Variants in CYBRD1 observed in about 807,000 individuals in gnomAD.
CYBRD1 encodes the protein cytochrome b reductase 1, also known as plasma membrane ascorbate-dependent reductase CYBRD1.
CYBRD1 carries 14 observed loss-of-function variants against 21.9 expected under a neutral mutation model. That is an observed-to-expected ratio of 0.64 (90% CI 0.42 to 1.00). CYBRD1 has a LOEUF of 1.00. Among genes scored for constraint, CYBRD1 ranks in the 50% least tolerant of loss-of-function variants. The pLI is 0.00. For missense variants in CYBRD1, 328 were observed against 352.5 expected (o/e 0.93, Z 0.56); for synonymous variants, 146 against 136.5 (o/e 1.07, Z -0.48).
chr2:171,546,636 C>T (rs1053717835), intron 2 of CYBRD1, among the ~76,000 whole-genome samples: 1 of 152,174 alleles, frequency 6.6e-6, no homozygotes, highest in African/African-American at 2.4e-5. Context: ...AAGAGACATG[C>T]TCTCTGCCCT....
intron 2 of CYBRD1, among the ~76,000 whole-genome samples, chr2:171,545,829 T>G (rs1697704591): frequency 6.6e-6 from 1 of 152,172 alleles, no homozygotes. Context: ...ATCTTTACTT[T>G]GTGTTGGGAG....
chr2:171,535,750 T>A (rs553941806), intron 1 of CYBRD1, among the ~76,000 whole-genome samples: 6 of 152,066 alleles, frequency 3.9e-5, no homozygotes, highest in Non-Finnish European at 7.4e-5. Flanking sequence ...GCAATCCTCC[T>A]GCCTCAGCCT....
At chr2:171,531,578 G>A (rs1330310191) in intron 1 of CYBRD1, among the ~76,000 whole-genome samples, 1 of 152,004 alleles carries the variant, frequency 6.6e-6, no homozygotes, top group Non-Finnish European at 1.5e-5. Context: ...CAAAGTGCTG[G>A]GATTACAGTT....
chr2:171,546,975 C>T (rs975775875), intron 2 of CYBRD1, among the ~76,000 whole-genome samples: 8 of 152,060 alleles, frequency 5.3e-5, no homozygotes, highest in African/African-American at 1.9e-4. Context: ...AGATGAGAAA[C>T]AATGGTGGCC....
In CYBRD1 at chr2:171,522,535, A is replaced by G. The variant is rs757181239; in HGVS notation, c.-11A>G. On this transcript the variant is annotated 5_prime_UTR_variant, in exon 1 of 4. An upstream start codon of the reference 5' UTR is lost. Coordinates refer to ENST00000321348, the MANE Select transcript of CYBRD1 (RefSeq NM_024843.4). This position sits in a 1 kb window ranked among gnomAD's most constrained non-coding sequence, Gnocchi z 4.3. ...TCTTGTGGCCCCCGCGGTGCGGAGT[A>G]TGGGGCGCTGATGGCCATGGAGGGC... The G allele has an allele frequency of 6.9e-6, 11 of 1,589,656 alleles. No individual in the cohort carries two copies. Among genetic ancestry groups the G allele is most frequent in the Non-Finnish European group, 9.4e-6 (11 of 1,169,324 alleles).
intron 1 of CYBRD1, among the ~76,000 whole-genome samples, chr2:171,526,611 T>G (rs747096340): frequency 6.6e-6 from 1 of 152,232 alleles, no homozygotes; most frequent in South Asian, 2.1e-4. Flanking sequence ...TAGAAGAGGC[T>G]TTGTGCTTCT....
intron 2 of CYBRD1, among the ~76,000 whole-genome samples, chr2:171,546,835 T>G (rs1697723458): frequency 6.6e-6 from 1 of 151,906 alleles, no homozygotes; most frequent in Admixed American, 6.6e-5. Context: ...GAATAGCATG[T>G]GGGGAAGAGT....
intron 1 of CYBRD1, among the ~76,000 whole-genome samples, chr2:171,535,422 G>A (rs1697530366): frequency 6.6e-6 from 1 of 152,196 alleles, no homozygotes; most frequent in Admixed American, 6.5e-5. Context: ...AATGTAAAAG[G>A]TTTTTAAAAA....
intron 1 of CYBRD1, among the ~76,000 whole-genome samples, chr2:171,533,188 G>A (rs1363174495): frequency 6.6e-6 from 1 of 151,634 alleles, no homozygotes; most frequent in Non-Finnish European, 1.5e-5. Flanking sequence ...CCAACATGGT[G>A]ATACTCTATC....
At chr2:171,552,632 G>C (rs1683398832) in intron 2 of CYBRD1, among the ~76,000 whole-genome samples, 1 of 152,186 alleles carries the variant, frequency 6.6e-6, no homozygotes, top group Non-Finnish European at 1.5e-5. Context: ...GAGGATACTT[G>C]ATGGGCAAAC....
At chr2:171,543,161 T>A (rs1367275704) in intron 2 of CYBRD1, among the ~76,000 whole-genome samples, 2 of 152,192 alleles carry the variant, frequency 1.3e-5, no homozygotes, top group Non-Finnish European at 2.9e-5. Context: ...TACCTGTACA[T>A]CAGAAGTCCA....
intron 1 of CYBRD1, among the ~76,000 whole-genome samples, chr2:171,524,621 A>G (rs1404879866): frequency 6.6e-6 from 1 of 152,212 alleles, no homozygotes; most frequent in Non-Finnish European, 1.5e-5. Flanking sequence ...GTAAGAGTAA[A>G]CTGAGGCAGA....
intron 1 of CYBRD1, among the ~76,000 whole-genome samples, chr2:171,529,972 C>T (rs537359699): frequency 6.6e-6 from 1 of 152,152 alleles, no homozygotes; most frequent in East Asian, 1.9e-4. Flanking sequence ...ATGAGGTCAC[C>T]CTGGATTTAG....
At chr2:171,528,516 A>G (rs1406021300) in intron 1 of CYBRD1, among the ~76,000 whole-genome samples, 2 of 151,642 alleles carry the variant, frequency 1.3e-5, no homozygotes, top group Admixed American at 6.6e-5. Flanking sequence ...GTTCTTCCTC[A>G]TCTTCCTGAT....
chr2:171,541,755 TG>T lies in CYBRD1; in HGVS notation c.367del (p.Val123LeufsTer3). 1.2e-6 allele frequency: 2 copies of T among 1,613,924 alleles called. No homozygotes were observed. The highest frequency in any genetic ancestry group is 4.5e-5 in the East Asian group (2 of 44,880). ...AGCCAATATGTACAGTCTGCACAGC[TG>T]GGTTGGACTGATAGCTGTCATATGC... is the stretch of plus-strand genomic sequence containing the variant. ...NIANMYSLHS[W>X]VGLIAVICYL... On this transcript the variant is annotated frameshift_variant, in exon 2 of 4. Coordinates refer to ENST00000321348, the MANE Select transcript of CYBRD1 (RefSeq NM_024843.4). LOFTEE classifies it high-confidence loss of function.
Position 171,554,793 on chromosome 2 carries a change from C to G in CYBRD1, c.827C>G (p.Ala276Gly), listed in dbSNP as rs1683453997. ...SEVAARKRNL[A>G]LDEAGQRSTM is the part of the protein sequence containing the mutation. ...GTAGCAGCAAGGAAAAGAAACTTAG[C>G]TCTGGATGAGGCTGGGCAGAGATCT... The change falls in exon 4 of 4, where the codon GCT (alanine) becomes GGT (glycine). Residue 276 changes from alanine (A) to glycine (G), a missense_variant. Physicochemically the swap from Ala to Gly is moderately conservative, Grantham distance 60. Transcript: ENST00000321348. 1 of 1,613,236 alleles carries G rather than the reference C, an allele frequency of 6.2e-7. No individual in the cohort carries two copies. Among genetic ancestry groups the G allele is most frequent in the African/African-American group, 1.3e-5 (1 of 74,742 alleles).
chr2:171,539,059 A>G (rs1697589643), intron 1 of CYBRD1, among the ~76,000 whole-genome samples: 1 of 152,084 alleles, frequency 6.6e-6, no homozygotes, highest in Admixed American at 6.6e-5. Flanking sequence ...TGGCCTCCCA[A>G]AGTGCTGAAA....
Position 171,544,965 on chromosome 2 carries a change from C to T in CYBRD1, c.402+3172C>T, listed in dbSNP as rs139403463. Among the ~76,000 whole-genome samples, 1,029 of 151,886 alleles carry T rather than the reference C, an allele frequency of 6.8e-3. 4 individuals are homozygous for T. The highest frequency in any genetic ancestry group is 0.011 in the Non-Finnish European group (740 of 67,948). ...ACCAGCCTGGGAAACATGGCAAAAC[C>T]CCGTCTGTACAAAAGATATAAAAAT... is the stretch of plus-strand genomic sequence containing the variant. On this transcript the variant is annotated intron_variant, in intron 2 of 3. Coordinates refer to ENST00000321348, the MANE Select transcript of CYBRD1 (RefSeq NM_024843.4).
chr2:171,528,847 G>A (rs552504227), intron 1 of CYBRD1, among the ~76,000 whole-genome samples: 24 of 152,236 alleles, frequency 1.6e-4, no homozygotes, highest in African/African-American at 4.8e-4. Flanking sequence ...CCTTGTAGTC[G>A]TTCAGGACGA....
Sources: allele counts gnomAD v4.1 joint callset (sites outside exome capture counted in the v4.1 genomes callset), GRCh38; gene constraint gnomAD v4.1.1; non-coding constraint Gnocchi (gnomAD v3.1); transcripts MANE v1.5; gene names NCBI Gene and HGNC (gene_info 2026-07-23, HGNC 2026-07-21).